The following PCDHAC1 variants were observed in gnomAD, a reference collection of about 807,000 sequenced individuals.
PCDHAC1 encodes the protein protocadherin alpha-C1.
PCDHAC1 carries 42 observed loss-of-function variants against 60.0 expected under a neutral mutation model. The observed-to-expected ratio is 0.70, with a 90% confidence interval of 0.55 to 0.90. The LOEUF (loss-of-function observed/expected upper bound fraction) is 0.90, where lower values mean the gene tolerates loss of function less well. Among genes scored for constraint, PCDHAC1 ranks in the 40% least tolerant of loss-of-function variants. PCDHAC1 has a pLI of 0.00. For missense variants in PCDHAC1, 1,160 were observed against 1,222.3 expected (o/e 0.95, Z 0.76); for synonymous variants, 468 against 499.3 (o/e 0.94, Z 0.84).
At chr5:140,995,860 A>C (rs1220139939) in intron 3 of PCDHAC1, among the ~76,000 whole-genome samples, 1 of 152,220 alleles carries the variant, frequency 6.6e-6, no homozygotes, top group Non-Finnish European at 1.5e-5. Flanking sequence ...CGTATCACTT[A>C]ATAATTGTGC....
chr5:140,985,338 A>G (rs2153836548), intron 3 of PCDHAC1, among the ~76,000 whole-genome samples: 1 of 152,280 alleles, frequency 6.6e-6, no homozygotes, highest in South Asian at 2.1e-4. Flanking sequence ...TCTCATTTGC[A>G]GGCCCAGATA....
intron 1 of PCDHAC1, among the ~76,000 whole-genome samples, chr5:140,958,381 T>G (rs1554223451): frequency 6.6e-6 from 1 of 152,280 alleles, no homozygotes; most frequent in South Asian, 2.1e-4. Context: ...GCTATTTTCT[T>G]AACAGGTCAT....
chr5:140,966,953 C>A, intron 1 of PCDHAC1: 1 of 1,603,802 alleles, frequency 6.2e-7, no homozygotes. Flanking sequence ...CAACGTGGCT[C>A]GCGCGCTGGG....
Position 140,986,801 on chromosome 5 carries a change from T to C in PCDHAC1, c.2581+4238T>C, listed in dbSNP as rs1381514203. ...CGGAAGCCACTAAGGCAGTGAGTCT[T>C]AGTTAGAGAACTTTGGTTTAGACAA... On this transcript the variant is annotated intron_variant, in intron 3 of 3. Coordinates refer to ENST00000253807, the MANE Select transcript of PCDHAC1 (RefSeq NM_018898.5). 2.0e-5 allele frequency among the ~76,000 whole-genome samples: 3 copies of C among 152,144 alleles called. No homozygotes were observed. The East Asian group carries it at 5.8e-4, about 29-fold the overall frequency.
chr5:140,988,119 A>T (rs1238767411), intron 3 of PCDHAC1, among the ~76,000 whole-genome samples: 1 of 152,174 alleles, frequency 6.6e-6, no homozygotes, highest in Non-Finnish European at 1.5e-5. Context: ...TTTAGAAAGC[A>T]TGCTGTTCCA....
chr5:140,971,295 G>C (rs2096467939), intron 1 of PCDHAC1, among the ~76,000 whole-genome samples: 2 of 152,232 alleles, frequency 1.3e-5, no homozygotes, highest in South Asian at 4.1e-4. Flanking sequence ...TATGTACTTT[G>C]GTACACAAAC....
chr5:140,985,830 C>T (rs1446445717), intron 3 of PCDHAC1, among the ~76,000 whole-genome samples: 2 of 149,758 alleles, frequency 1.3e-5, no homozygotes, highest in Non-Finnish European at 3.0e-5. Flanking sequence ...AGCTCTGCCT[C>T]CCGGGTTCAT....
chr5:140,977,876 G>A (rs1425308379), intron 1 of PCDHAC1, among the ~76,000 whole-genome samples: 3 of 152,190 alleles, frequency 2.0e-5, no homozygotes, highest in Non-Finnish European at 2.9e-5. Flanking sequence ...TAAGTATAAT[G>A]TAGAGGAAAA....
intron 1 of PCDHAC1, among the ~76,000 whole-genome samples, chr5:140,957,373 T>C (rs906109440): frequency 6.6e-5 from 10 of 152,310 alleles, no homozygotes; most frequent in African/African-American, 2.2e-4. Context: ...ACTTTTATTA[T>C]AGTGTATTGT....
At chr5:140,972,750 G>A (rs2096554223) in intron 1 of PCDHAC1, among the ~76,000 whole-genome samples, 2 of 143,042 alleles carry the variant, frequency 1.4e-5, no homozygotes, top group South Asian at 2.2e-4. Context: ...TGCAACCTCC[G>A]CCTCCCAAGT....
intron 3 of PCDHAC1, among the ~76,000 whole-genome samples, chr5:140,999,830 T>C (rs146250053): frequency 2.0e-5 from 3 of 152,238 alleles, no homozygotes; most frequent in Non-Finnish European, 4.4e-5. Context: ...GCTTTAAAAA[T>C]ATGCCAAGTG....
intron 1 of PCDHAC1, among the ~76,000 whole-genome samples, chr5:140,943,341 G>T (rs1021651625): frequency 5.3e-5 from 8 of 151,780 alleles, no homozygotes; most frequent in African/African-American, 1.9e-4. Context: ...CATTGGACAG[G>T]ATGAGAGTAG....
intron 1 of PCDHAC1, among the ~76,000 whole-genome samples, chr5:140,934,682 A>G (rs2089985981): frequency 6.6e-6 from 1 of 152,156 alleles, no homozygotes; most frequent in Non-Finnish European, 1.5e-5. Flanking sequence ...AGTATTCAAA[A>G]CAATGAATTG....
rs527281567 is a variant in PCDHAC1 at position 140,992,060 on chromosome 5, A to T, written c.2581+9497A>T. Among the ~76,000 whole-genome samples the T allele has an allele frequency of 3.3e-3, 484 of 147,642 alleles. 5 individuals are homozygous for T. Among genetic ancestry groups the T allele is most frequent in the South Asian group, 0.015 (69 of 4,700 alleles). On this transcript the variant is annotated intron_variant, in intron 3 of 3. Transcript: ENST00000253807. The stretch of plus-strand genomic sequence containing the variant: ...GTGTGTGTGTGTGTGTGTGTAAGTT[A>T]ATTTCAGTAGAGAATGAGCTAGAGT...
At chr5:140,955,797 T>C (rs1374924586) in intron 1 of PCDHAC1, among the ~76,000 whole-genome samples, 3 of 152,212 alleles carry the variant, frequency 2.0e-5, no homozygotes, top group Non-Finnish European at 4.4e-5. Flanking sequence ...TGTTTTTCTA[T>C]TTGTTTGTGT....
chr5:140,967,003 C>T, intron 1 of PCDHAC1: 1 of 1,605,342 alleles, frequency 6.2e-7, no homozygotes, highest in South Asian at 1.1e-5. Context: ...GCTTGCGCAT[C>T]AACCATCTGG....
At chr5:140,977,831 T>C (rs987042342) in intron 1 of PCDHAC1, among the ~76,000 whole-genome samples, 3 of 152,240 alleles carry the variant, frequency 2.0e-5, no homozygotes, top group Admixed American at 1.3e-4. Flanking sequence ...AATGGTCTAT[T>C]GATATTACTA....
At chr5:140,978,716 T>C (rs1317618418) in intron 1 of PCDHAC1, among the ~76,000 whole-genome samples, 2 of 152,252 alleles carry the variant, frequency 1.3e-5, no homozygotes, top group African/African-American at 4.8e-5. Flanking sequence ...CTTTACAAGA[T>C]TATTAAATCT....
At position 141,009,998 on chromosome 5, in the gene PCDHAC1, T is replaced by C. The variant is rs1046818514; in HGVS notation, c.*61T>C. 6 of 1,575,876 alleles carry C rather than the reference T, an allele frequency of 3.8e-6. No individual in the cohort carries two copies. The African/African-American group carries it at 5.5e-5, about 14-fold the overall frequency. ...TTGTAATAATGGCAAATCTCTCCCA[T>C]GTAGCAATTCCCTGCTCCTTTTTCC... is the stretch of plus-strand genomic sequence containing the variant. On this transcript the variant is annotated 3_prime_UTR_variant, in exon 4 of 4. Transcript: ENST00000253807.
Sources: allele counts gnomAD v4.1 joint callset (sites outside exome capture counted in the v4.1 genomes callset), GRCh38; gene constraint gnomAD v4.1.1; transcripts MANE v1.5; gene names NCBI Gene and HGNC (gene_info 2026-07-23, HGNC 2026-07-21).